Variants in RARB observed in about 807,000 individuals in gnomAD.
The protein encoded by RARB is HBV-activated protein.
Under a neutral mutation model 51.9 loss-of-function variants are expected in RARB, and 17 were observed. The ratio of observed to expected loss-of-function variants is 0.33; its 90% CI spans 0.22 to 0.49. RARB has a LOEUF of 0.49. Among genes scored for constraint, RARB ranks in the 20% least tolerant of loss-of-function variants. The pLI is 0.99. For synonymous variants in RARB, 215 were observed against 195.4 expected (o/e 1.10, Z -0.84); for missense variants, 369 against 550.8 (o/e 0.67, Z 3.30).
rs925393275 is a variant in RARB at position 25,562,654 on chromosome 3, T to G, written c.449-7104T>G. 4.6e-5 allele frequency among the ~76,000 whole-genome samples: 7 copies of G among 152,338 alleles called. No homozygotes were observed. In the South Asian group the frequency reaches 1.4e-3, roughly 32 times the overall value. ...TTTTTTCTCATTTCTGGAATTGAAC[T>G]TAGGATATTTCTTATAGCTCATATG... On this transcript the variant is annotated intron_variant, in intron 3 of 7. Transcript: ENST00000330688.
intron 2 of RARB, among the ~76,000 whole-genome samples, chr3:24,904,998 C>T (rs776289086): frequency 6.6e-6 from 1 of 152,068 alleles, no homozygotes; most frequent in African/African-American, 2.4e-5. Flanking sequence ...GAACATCACA[C>T]AAGGGGAGGG....
At chr3:25,246,070 A>G (rs777059883) in intron 5 of RARB, among the ~76,000 whole-genome samples, 5 of 151,468 alleles carry the variant, frequency 3.3e-5, no homozygotes, top group African/African-American at 2.4e-5. Flanking sequence ...CTTTAAGTTG[A>G]TCTTCAATCT....
At chr3:25,291,334 G>C (rs1703780943) in intron 5 of RARB, among the ~76,000 whole-genome samples, 1 of 152,138 alleles carries the variant, frequency 6.6e-6, no homozygotes, top group Non-Finnish European at 1.5e-5. Context: ...GCAGAAACCA[G>C]TCATTAATGG....
chr3:24,942,248 A>G (rs1248710968), intron 2 of RARB, among the ~76,000 whole-genome samples: 3 of 152,256 alleles, frequency 2.0e-5, no homozygotes, highest in Admixed American at 6.5e-5. Flanking sequence ...GTGTTGGGAT[A>G]TAAAAATAAA....
At chr3:25,339,400 C>T (rs937655956) in intron 5 of RARB, among the ~76,000 whole-genome samples, 1 of 152,180 alleles carries the variant, frequency 6.6e-6, no homozygotes, top group Non-Finnish European at 1.5e-5. Context: ...TGAGCTGTAA[C>T]CAATTCAACG....
intron 4 of RARB, among the ~76,000 whole-genome samples, chr3:25,171,387 A>C (rs321543): frequency 0.32 from 47,125 of 145,960 alleles, 7,627 homozygotes; most frequent in South Asian, 0.5. Flanking sequence ...AGACCCAGTG[A>C]CTGCTCAGAC....
intron 2 of RARB, among the ~76,000 whole-genome samples, chr3:24,974,681 A>C (rs991872375): frequency 2.6e-5 from 4 of 152,178 alleles, no homozygotes; most frequent in African/African-American, 9.6e-5. Context: ...TAACAAATAT[A>C]TAGTATCCCT....
intron 4 of RARB, among the ~76,000 whole-genome samples, chr3:25,167,573 G>A (rs1700579821): frequency 6.6e-6 from 1 of 152,174 alleles, no homozygotes; most frequent in Non-Finnish European, 1.5e-5. Flanking sequence ...AGTGATGATG[G>A]AAAGGAAAAT....
intron 2 of RARB, among the ~76,000 whole-genome samples, chr3:24,896,082 A>G (rs554835194): frequency 2.0e-5 from 3 of 152,342 alleles, no homozygotes; most frequent in Admixed American, 2.0e-4. Flanking sequence ...CCTTGATGAC[A>G]TTATACTAAG....
chr3:25,130,904 TATTGA>T (rs1699936798), intron 3 of RARB, among the ~76,000 whole-genome samples: 1 of 38,390 alleles, frequency 2.6e-5, no homozygotes, highest in South Asian at 5.4e-4. Context: ...ATATCAATAT[TATTGA>T]TAATATTATC....
chr3:25,506,431 C>T (rs969110132), intron 3 of RARB, among the ~76,000 whole-genome samples: 3 of 152,016 alleles, frequency 2.0e-5, no homozygotes, highest in African/African-American at 7.3e-5. Flanking sequence ...CGTGGCAAGA[C>T]CCCAACTCTA....
intron 3 of RARB, among the ~76,000 whole-genome samples, chr3:25,539,040 A>G (rs1699257211): frequency 6.6e-6 from 1 of 152,218 alleles, no homozygotes; most frequent in South Asian, 2.1e-4. Flanking sequence ...TTAACCTTGA[A>G]TGATCTATGA....
intron 2 of RARB, among the ~76,000 whole-genome samples, chr3:25,037,955 T>A (rs1324067904): frequency 6.6e-6 from 1 of 152,188 alleles, no homozygotes; most frequent in East Asian, 1.9e-4. Context: ...AGAGAAATTG[T>A]CATGTTTAAA....
intron 5 of RARB, among the ~76,000 whole-genome samples, chr3:25,189,159 T>C (rs1294625517): frequency 6.6e-6 from 1 of 152,126 alleles, no homozygotes; most frequent in Non-Finnish European, 1.5e-5. Context: ...GTGTTTTTAA[T>C]ATCATCCCTC....
chr3:25,591,733 C>T (rs377736023), intron 5 of RARB, among the ~76,000 whole-genome samples: 50 of 152,236 alleles, frequency 3.3e-4, no homozygotes, highest in East Asian at 3.3e-3. Flanking sequence ...GTTTTCCTCT[C>T]GGAGTTTTAA....
At chr3:24,848,098 G>A (rs897427269) in intron 1 of RARB, among the ~76,000 whole-genome samples, 1 of 152,072 alleles carries the variant, frequency 6.6e-6, no homozygotes, top group Non-Finnish European at 1.5e-5. Context: ...CTTGTTCTGT[G>A]GCCCAGGCTG....
At position 25,593,713 on chromosome 3, in the gene RARB, A is replaced by C; in HGVS notation, c.991+6A>C. On this transcript the variant is annotated splice_donor_region_variant and intron_variant, in intron 6 of 7. Coordinates refer to ENST00000330688, the MANE Select transcript of RARB (RefSeq NM_000965.5). The stretch of plus-strand genomic sequence containing the variant: ...CATCTGCTTAATCTGTGGAGGTACC[A>C]ACTATGTAGAAAAGCCTCATGAAAT... 1 of 1,611,154 alleles carries C rather than the reference A, an allele frequency of 6.2e-7. No individual in the cohort carries two copies.
intron 2 of RARB, among the ~76,000 whole-genome samples, chr3:24,907,211 T>C (rs1694886540): frequency 6.6e-6 from 1 of 152,142 alleles, no homozygotes; most frequent in African/African-American, 2.4e-5. Context: ...GAGTGGTAGT[T>C]ATCAAACTTT....
intron 2 of RARB, among the ~76,000 whole-genome samples, chr3:25,055,640 A>T (rs901672300): frequency 6.6e-6 from 1 of 152,096 alleles, no homozygotes; most frequent in African/African-American, 2.4e-5. Context: ...AAAAGTTATT[A>T]GGAGGAATTG....
Sources: allele counts gnomAD v4.1 joint callset (sites outside exome capture counted in the v4.1 genomes callset), GRCh38; gene constraint gnomAD v4.1.1; transcripts MANE v1.5; gene names NCBI Gene and HGNC (gene_info 2026-07-23, HGNC 2026-07-21).